MYL10: variants seen among roughly 807,000 people sequenced by gnomAD.
MYL10 encodes myosin light chain 10, also known as myosin regulatory light chain 10.
Under a neutral mutation model 21.9 loss-of-function variants are expected in MYL10, and 18 were observed. The ratio of observed to expected loss-of-function variants is 0.82; its 90% CI spans 0.57 to 1.22. MYL10 has a LOEUF of 1.22. Among genes scored for constraint, MYL10 ranks in the 50% most tolerant of loss-of-function variants. The pLI is 0.00. For missense variants in MYL10, 225 were observed against 230.4 expected (o/e 0.98, Z 0.15); for synonymous variants, 88 against 82.8 (o/e 1.06, Z -0.34).
intron 1 of MYL10, among the ~76,000 whole-genome samples, chr7:101,625,162 A>G (rs1357196717): frequency 1.2e-4 from 18 of 152,172 alleles, no homozygotes; most frequent in Admixed American, 1.2e-3. Context: ...CAGCAGGCAA[A>G]GCAGGAGGCC....
intron 6 of MYL10, among the ~76,000 whole-genome samples, chr7:101,614,040 C>G (rs1376924060): frequency 6.6e-6 from 1 of 152,152 alleles, no homozygotes; most frequent in South Asian, 2.1e-4. Context: ...GGTCCCCCAC[C>G]GCAGAGCCTC....
At chr7:101,624,065 C>T (rs1373974980) in intron 2 of MYL10, 44 bp from the exon 3 acceptor site, 1 of 719,018 alleles carries the variant, frequency 1.4e-6, no homozygotes, top group Admixed American at 2.2e-5. Context: ...GTAATAATGA[C>T]ATCTTCAGCC....
intron 1 of MYL10, among the ~76,000 whole-genome samples, chr7:101,626,185 A>C (rs1480435610): frequency 6.6e-6 from 1 of 152,194 alleles, no homozygotes; most frequent in Non-Finnish European, 1.5e-5. Flanking sequence ...TAAGAAATTC[A>C]CTTGTCTTCT....
In MYL10 at chr7:101,624,233, C is replaced by T; in HGVS notation, c.110G>A (p.Gly37Asp). 4 of 1,613,832 alleles carry T rather than the reference C, an allele frequency of 2.5e-6. No individual in the cohort carries two copies. The highest frequency in any genetic ancestry group is 2.5e-6 in the Non-Finnish European group (3 of 1,179,934). ...GGAGAAGACGTTGGAGCTGGCGGTGCCTTCTGCTCTTTTCCGAGCTCTTCT... is the reference window on the plus strand; with the variant it reads ...GGAGAAGACGTTGGAGCTGGCGGTGTCTTCTGCTCTTTTCCGAGCTCTTCT... ...APRRARKRAE[G>D]TASSNVFSMF... The change falls in exon 2 of 8, where the codon GGC (glycine) becomes GAC (aspartate). Residue 37 changes from glycine to aspartate, a missense_variant. Gly to Asp is a moderately conservative substitution (Grantham distance 94, BLOSUM62 -1). Coordinates refer to ENST00000223167, the MANE Select transcript of MYL10 (RefSeq NM_138403.5).
intron 5 of MYL10, among the ~76,000 whole-genome samples, chr7:101,617,158 C>T (rs979301121): frequency 3.3e-5 from 5 of 152,212 alleles, no homozygotes; most frequent in African/African-American, 4.8e-5. Context: ...ACTGTGGATG[C>T]GGGGGTGCCC....
At position 101,623,272 on chromosome 7, in the gene MYL10, C is replaced by G. The variant is rs1796702661; in HGVS notation, c.274-200G>C. The stretch of plus-strand genomic sequence containing the variant: ...GTTTGCAGACAGGGAAACTGAGGCT[C>G]AGAGAGAGAAAAGTCTGGCCCGAGG... On this transcript the variant is annotated intron_variant, in intron 3 of 7. Transcript: ENST00000223167. 1.3e-5 allele frequency among the ~76,000 whole-genome samples: 2 copies of G among 152,272 alleles called. 1 individual carries two copies. Among genetic ancestry groups the G allele is most frequent in the Middle Eastern group, 6.8e-3 (2 of 294 alleles).
chr7:101,628,879 T>C (rs1432468391), intron 1 of MYL10, among the ~76,000 whole-genome samples, 162 bp downstream of exon 1: 1 of 152,226 alleles, frequency 6.6e-6, no homozygotes, highest in Non-Finnish European at 1.5e-5. Context: ...GAAGAGCAGC[T>C]AATATACAAC....
chr7:101,621,364 G>C (rs557710283), intron 5 of MYL10, among the ~76,000 whole-genome samples: 111 of 152,174 alleles, frequency 7.3e-4, no homozygotes, highest in African/African-American at 2.5e-3. Context: ...CTTCCTCTGG[G>C]GGCTCCAGTG....
chr7:101,619,261 G>C (rs1192326776), intron 5 of MYL10, among the ~76,000 whole-genome samples: 1 of 152,226 alleles, frequency 6.6e-6, no homozygotes, highest in Non-Finnish European at 1.5e-5. Context: ...GGGCTTCTGA[G>C]CTCTTCCAGG....
chr7:101,628,109 C>G (rs1370944717), intron 1 of MYL10, among the ~76,000 whole-genome samples: 1 of 152,210 alleles, frequency 6.6e-6, no homozygotes, highest in Non-Finnish European at 1.5e-5. Flanking sequence ...GCCAGGGGAC[C>G]CCCTCAGGGC....
intron 5 of MYL10, among the ~76,000 whole-genome samples, chr7:101,619,239 TC>T (rs1475372250): frequency 6.6e-6 from 1 of 152,156 alleles, no homozygotes; most frequent in Non-Finnish European, 1.5e-5. Flanking sequence ...CATTCTTCTC[TC>T]CCGGCCTCCT....
At chr7:101,613,771 A>G in intron 6 of MYL10, 61 bp from the exon 7 acceptor site, 2 of 1,545,024 alleles carry the variant, frequency 1.3e-6, no homozygotes, top group South Asian at 1.1e-5. Flanking sequence ...GAACATGCAG[A>G]TCCCAGGGGT....
At chr7:101,626,651 G>T (rs181523903) in intron 1 of MYL10, among the ~76,000 whole-genome samples, 1 of 152,218 alleles carries the variant, frequency 6.6e-6, no homozygotes, top group East Asian at 1.9e-4. Flanking sequence ...GAGGTGCCAC[G>T]CTGCCCCAAA....
rs1796687491 is a variant in MYL10 at position 101,622,167 on chromosome 7, G to T, written c.383C>A (p.Ala128Asp). Residue 128 changes from alanine (A) to aspartate (D), a missense_variant, in exon 5 of 8, where the codon GCC (alanine) becomes GAC (aspartate). Transcript: ENST00000223167. ...RINVKNEELEAMVKEAPGPIN... is the reference protein window; with the variant it reads ...RINVKNEELEDMVKEAPGPIN... ...GGGTCCGGGGGCCTCCTTCACCATG[G>T]CCTCCAGTTCCTCGTTCTTGACATT... is the stretch of plus-strand genomic sequence containing the variant. The T allele has an allele frequency of 6.2e-7, 1 of 1,613,016 alleles. No homozygotes were observed. The highest frequency in any genetic ancestry group is 1.3e-5 in the African/African-American group (1 of 74,858).
intron 1 of MYL10, chr7:101,627,574 C>G (rs1044998509): frequency 6.5e-6 from 1 of 152,752 alleles, no homozygotes; most frequent in Non-Finnish European, 1.5e-5. Context: ...TGGCATGCAC[C>G]GGGCCCAGTG....
chr7:101,619,807 G>A (rs371790733), intron 5 of MYL10, among the ~76,000 whole-genome samples: 34 of 146,706 alleles, frequency 2.3e-4, no homozygotes, highest in African/African-American at 4.0e-4. Flanking sequence ...GGAGAATGGC[G>A]TGAACCCGGG....
At chr7:101,624,677 G>A (rs144351152) in intron 1 of MYL10, among the ~76,000 whole-genome samples, 54 of 152,228 alleles carry the variant, frequency 3.5e-4, no homozygotes, top group African/African-American at 1.2e-3. Context: ...GAACAACTGC[G>A]CTCTTAGCCC....
At chr7:101,626,213 T>C (rs1414676480) in intron 1 of MYL10, among the ~76,000 whole-genome samples, 1 of 152,186 alleles carries the variant, frequency 6.6e-6, no homozygotes, top group African/African-American at 2.4e-5. Context: ...TGTTTCCCCA[T>C]TTATAAAACC....
At chr7:101,622,362 A>G (rs1186415881) in intron 4 of MYL10, among the ~76,000 whole-genome samples, 162 bp from the exon 5 acceptor site, 1 of 152,128 alleles carries the variant, frequency 6.6e-6, no homozygotes, top group Non-Finnish European at 1.5e-5. Context: ...CATTTGGGCC[A>G]CAGTCAGCTT....
Sources: gnomAD v4.1 joint callset for allele counts (sites outside exome capture counted in the v4.1 genomes callset) on GRCh38, gnomAD v4.1.1 for gene constraint, MANE v1.5 for transcripts, NCBI Gene and HGNC (gene_info 2026-07-23, HGNC 2026-07-21) for gene names.